The following PTPRD variants were observed in gnomAD, a reference collection of about 807,000 sequenced individuals.
PTPRD encodes protein tyrosine phosphatase receptor type D.
In PTPRD, 34 loss-of-function variants were observed where a neutral mutation model predicts 214.5. The observed-to-expected ratio is 0.16, with a 90% CI of 0.12 to 0.21. The LOEUF is 0.21. Ranked by LOEUF, PTPRD falls within the 10% of genes least tolerant of loss-of-function variation. PTPRD has a pLI of 1.00. For synonymous variants in PTPRD, 1,128 were observed against 845.7 expected (o/e 1.33, Z -5.79); for missense variants, 2,545 against 2,398.7 (o/e 1.06, Z -1.27).
At chr9:9,388,130 C>T (rs7046045) in intron 9 of PTPRD, among the ~76,000 whole-genome samples, 8,235 of 152,180 alleles carry the variant, frequency 0.054, 720 homozygotes, top group African/African-American at 0.19. Context: ...AGAAGGGAAA[C>T]TGGTTTTCCC....
At chr9:9,208,137 C>T (rs982661252) in intron 9 of PTPRD, among the ~76,000 whole-genome samples, 2 of 150,086 alleles carry the variant, frequency 1.3e-5, no homozygotes, top group African/African-American at 4.9e-5. Context: ...GTCTCAGCCT[C>T]CGGAGTAGCT....
chr9:8,727,407 C>T (rs897051585), intron 12 of PTPRD, among the ~76,000 whole-genome samples: 1 of 152,156 alleles, frequency 6.6e-6, no homozygotes, highest in Non-Finnish European at 1.5e-5. Flanking sequence ...TTCCTTGCTT[C>T]AGACAGCTGG....
chr9:10,323,396 A>G (rs1367652530), intron 3 of PTPRD, among the ~76,000 whole-genome samples: 1 of 149,710 alleles, frequency 6.7e-6, no homozygotes, highest in Non-Finnish European at 1.5e-5. Context: ...CTGGGCTCTA[A>G]CAATTCTCCC....
chr9:8,771,796 C>G (rs2095232347), intron 11 of PTPRD, among the ~76,000 whole-genome samples: 2 of 151,228 alleles, frequency 1.3e-5, no homozygotes, highest in African/African-American at 4.9e-5. Flanking sequence ...CTAGTAGCCA[C>G]AGCTGTGACC....
chr9:8,722,775 T>C (rs1668750712), intron 12 of PTPRD, among the ~76,000 whole-genome samples: 1 of 152,192 alleles, frequency 6.6e-6, no homozygotes. Flanking sequence ...TAATTGCATG[T>C]TTCCAATGTA....
At chr9:10,482,754 C>A (rs1384502146) in intron 2 of PTPRD, among the ~76,000 whole-genome samples, 1 of 152,016 alleles carries the variant, frequency 6.6e-6, no homozygotes, top group East Asian at 1.9e-4. Flanking sequence ...TATACTTAAC[C>A]AACTAGGTGA....
chr9:8,516,355 A>G (rs1451728081), intron 21 of PTPRD, among the ~76,000 whole-genome samples: 1 of 152,214 alleles, frequency 6.6e-6, no homozygotes, highest in African/African-American at 2.4e-5. Flanking sequence ...ACATATTTTT[A>G]TAGCTGGCTT....
chr9:9,638,569 C>T (rs945301530), intron 7 of PTPRD, among the ~76,000 whole-genome samples: 1 of 152,174 alleles, frequency 6.6e-6, no homozygotes, highest in Non-Finnish European at 1.5e-5. Context: ...GAGCCCTCAC[C>T]TGAATCACCC....
At chr9:8,713,835 C>G in intron 12 of PTPRD, 1 of 1,478,822 alleles carries the variant, frequency 6.8e-7, no homozygotes, top group African/African-American at 1.4e-5. Flanking sequence ...CCAACACCTT[C>G]TTCTAGGTGC....
intron 5 of PTPRD, among the ~76,000 whole-genome samples, chr9:9,861,297 CT>C (rs374672568): frequency 9.9e-4 from 150 of 151,668 alleles, no homozygotes; most frequent in African/African-American, 3.4e-3. Flanking sequence ...TTGTTTTTTG[CT>C]TTTTGTTTTT....
At chr9:9,930,611 T>C (rs1360911784) in intron 5 of PTPRD, among the ~76,000 whole-genome samples, 1 of 152,158 alleles carries the variant, frequency 6.6e-6, no homozygotes, top group African/African-American at 2.4e-5. Context: ...TATAATGTAA[T>C]TTTTATTAAA....
Position 10,108,443 on chromosome 9 carries a change from AT to A in PTPRD, c.-544-74654del, listed in dbSNP as rs202204879. Among the ~76,000 whole-genome samples the A allele has an allele frequency of 8.0e-4, 120 of 150,800 alleles. 2 individuals are homozygous for A. In the South Asian group the frequency reaches 0.023, roughly 29 times the overall value. The stretch of plus-strand genomic sequence containing the variant: ...TCCTTCTGTCTAACTGAAATTTTGT[AT>A]TTTTTTTTACCATCTCTCTAATCCC... On this transcript the variant is annotated intron_variant, in intron 3 of 45. Transcript: ENST00000381196.
chr9:9,437,631 G>A (rs1303796420), intron 8 of PTPRD, among the ~76,000 whole-genome samples: 1 of 152,130 alleles, frequency 6.6e-6, no homozygotes, highest in Non-Finnish European at 1.5e-5. Flanking sequence ...CTTCTTTTAA[G>A]ATGTAAATTA....
At chr9:9,840,017 T>C (rs1261190066) in intron 5 of PTPRD, among the ~76,000 whole-genome samples, 1 of 151,954 alleles carries the variant, frequency 6.6e-6, no homozygotes, top group East Asian at 1.9e-4. Context: ...TGATTCAATT[T>C]TATGGTTGGT....
chr9:8,859,046 G>C (rs1444780272), intron 11 of PTPRD, among the ~76,000 whole-genome samples: 1 of 152,194 alleles, frequency 6.6e-6, no homozygotes, highest in East Asian at 1.9e-4. Context: ...AATACTATAG[G>C]GAGCGTGCTT....
intron 8 of PTPRD, among the ~76,000 whole-genome samples, chr9:9,407,204 G>C (rs570397595): frequency 6.6e-6 from 1 of 151,590 alleles, no homozygotes; most frequent in Non-Finnish European, 1.5e-5. Context: ...TCTGTTTTTG[G>C]TGTCTGGCTT....
intron 12 of PTPRD, among the ~76,000 whole-genome samples, chr9:8,643,011 G>C (rs2096610619): frequency 6.6e-6 from 1 of 152,048 alleles, no homozygotes; most frequent in Non-Finnish European, 1.5e-5. Flanking sequence ...GGGCCTGTGG[G>C]GACAGTGAAT....
At position 9,570,003 on chromosome 9, in the gene PTPRD, TAG is replaced by T. The variant is rs543856677; in HGVS notation, c.-237+4727_-237+4728del. Among the ~76,000 whole-genome samples, 455 of 151,476 alleles carry T rather than the reference TAG, an allele frequency of 3.0e-3. 2 individuals carry two copies. The highest frequency in any genetic ancestry group is 0.01 in the African/African-American group (431 of 41,430). On this transcript the variant is annotated intron_variant, in intron 8 of 45. Transcript: ENST00000381196. ...ATCAGTTGAAAGTGCTCATCAGAAC[TAG>T]AACTCCATTTTTCCCATATATTTTT...
intron 37 of PTPRD, among the ~76,000 whole-genome samples, chr9:8,388,919 T>C (rs1365117091): frequency 6.6e-6 from 1 of 152,212 alleles, no homozygotes; most frequent in Non-Finnish European, 1.5e-5. Context: ...AATGGTGTTT[T>C]TGAAAGAGGT....
Sources: allele counts gnomAD v4.1 joint callset (sites outside exome capture counted in the v4.1 genomes callset), GRCh38; gene constraint gnomAD v4.1.1; transcripts MANE v1.5; gene names NCBI Gene and HGNC (gene_info 2026-07-23, HGNC 2026-07-21).